Variants in ALDH16A1 observed in about 807,000 individuals in gnomAD.
ALDH16A1 encodes the protein aldehyde dehydrogenase 16 family member A1, also known as aldehyde dehydrogenase family 16 member A1.
Under a neutral mutation model 96.1 loss-of-function variants are expected in ALDH16A1, and 88 were observed. The ratio of observed to expected loss-of-function variants is 0.92; its 90% CI spans 0.77 to 1.09. ALDH16A1 has a LOEUF of 1.09. Ranked by LOEUF, ALDH16A1 falls within the 50% of genes least tolerant of loss-of-function variation. The pLI, the probability that ALDH16A1 is intolerant of heterozygous loss-of-function variation, is 0.00. For missense variants in ALDH16A1, 1,250 were observed against 1,112.6 expected (o/e 1.12, Z -1.76); for synonymous variants, 522 against 496.4 (o/e 1.05, Z -0.69).
chr19:49,466,819 C>G (rs1006107059), intron 14 of ALDH16A1, among the ~76,000 whole-genome samples: 5 of 151,962 alleles, frequency 3.3e-5, no homozygotes, highest in Non-Finnish European at 7.4e-5. Context: ...GAGATCGTGC[C>G]ACTGCACTCC....
chr19:49,467,683 T>C (rs528061837), intron 14 of ALDH16A1, among the ~76,000 whole-genome samples: 25 of 151,716 alleles, frequency 1.6e-4, no homozygotes, highest in East Asian at 1.6e-3. Flanking sequence ...TGTGAGCCAC[T>C]ACACCCGGCC....
intron 7 of ALDH16A1, among the ~76,000 whole-genome samples, 166 bp downstream of exon 7, chr19:49,462,202 G>C (rs2079155839): frequency 6.9e-6 from 1 of 145,380 alleles, no homozygotes; most frequent in African/African-American, 2.6e-5. Flanking sequence ...GCGCGATTTT[G>C]GCTCACCGCA....
In ALDH16A1 at chr19:49,464,651, G is replaced by C. The variant is rs200088188; in HGVS notation, c.1457G>C (p.Arg486Pro). The C allele has an allele frequency of 6.8e-6, 11 of 1,614,050 alleles. No individual in the cohort carries two copies. Among genetic ancestry groups the C allele is most frequent in the East Asian group, 6.7e-5 (3 of 44,870 alleles). ...TCACAGGGGCTGTATGAGTATCTGC[G>C]GCCCTCAGGGACCCCTGCCCGGCTG... ...GGPDGLYEYL[R>P]PSGTPARLSC... Residue 486 changes from arginine (R) to proline (P), a missense_variant, in exon 12 of 17, where the codon CGG becomes CCG. Transcript: ENST00000293350.
In ALDH16A1 at chr19:49,462,693, G is replaced by A. The variant is rs371134024; in HGVS notation, c.1036G>A (p.Gly346Arg). Residue 346 changes from glycine to arginine, a missense_variant, in exon 8 of 17, where the codon GGG (glycine) becomes AGG (arginine). Physicochemically the swap from Gly to Arg is moderately radical, Grantham distance 125. Coordinates refer to ENST00000293350, the MANE Select transcript of ALDH16A1 (RefSeq NM_153329.4). ...LDGAVDMGAR[G>R]AAACDLVQRF... is the part of the protein sequence containing the mutation. ...TGGGGCCGTGGACATGGGGGCCCGG[G>A]GGGCTGCCGCATGTGACCTGGTCCA... 4 of 1,608,600 alleles carry A rather than the reference G, an allele frequency of 2.5e-6. No individual in the cohort carries two copies. Among genetic ancestry groups the A allele is most frequent in the South Asian group, 1.1e-5 (1 of 90,756 alleles).
chr19:49,459,217 G>A lies in ALDH16A1; in HGVS notation c.320+131G>A. The A allele has an allele frequency of 7.1e-7, 1 of 1,405,284 alleles. No homozygotes were observed. Among genetic ancestry groups the A allele is most frequent in the Non-Finnish European group, 9.5e-7 (1 of 1,053,100 alleles). 87.1% of individuals were successfully genotyped at this position (1,405,284 alleles called of 1,614,324 possible). On this transcript the variant is annotated intron_variant, in intron 3 of 16. Transcript: ENST00000293350. This position sits in a 1 kb window ranked among gnomAD's most constrained non-coding sequence, Gnocchi z 4.1. The stretch of plus-strand genomic sequence containing the variant: ...GCTAAGGCTCAGATTCCCAGTATGT[G>A]CTGGAGGCAGTCGTGGCTGAAACAT...
In ALDH16A1 at chr19:49,464,158, T is replaced by C; in HGVS notation, c.1226T>C (p.Phe409Ser). 1 of 1,608,814 alleles carries C rather than the reference T, an allele frequency of 6.2e-7. No individual in the cohort carries two copies. Among genetic ancestry groups the C allele is most frequent in the Non-Finnish European group, 8.5e-7 (1 of 1,179,532 alleles). The change falls in exon 10 of 17, where the codon TTC becomes TCC. Residue 409 changes from phenylalanine to serine, a missense_variant. By Grantham distance (155) the Phe-to-Ser change is radical. Transcript: ENST00000293350. ...VPWPVVVASP[F>S]RTAKEALLVA... ...TGGCCTGTGGTCGTGGCCTCCCCCT[T>C]CCGCACAGCCAAGGAGGCACTGTTG...
intron 6 of ALDH16A1, 33 bp downstream of exon 6, chr19:49,461,833 G>A (rs372159373): frequency 2.3e-4 from 367 of 1,603,196 alleles, no homozygotes; most frequent in Non-Finnish European, 2.7e-4. Flanking sequence ...GGCGGAACGC[G>A]GCTGGGGGCC....
intron 14 of ALDH16A1, among the ~76,000 whole-genome samples, chr19:49,466,973 A>G (rs986461433): frequency 6.6e-6 from 1 of 152,138 alleles, no homozygotes; most frequent in African/African-American, 2.4e-5. Context: ...GGAGTTTGAA[A>G]CCAGCCTGGG....
chr19:49,464,594 G>A lies in ALDH16A1; in HGVS notation c.1438-38G>A, dbSNP rs201777977. On this transcript the variant is annotated intron_variant, in intron 11 of 16. Transcript: ENST00000293350. ...CCTTGACACTCGCATCCGGCCTCGC[G>A]TGCCCCTTGCATCCTCTTGACACCG... 465 of 1,613,606 alleles carry A rather than the reference G, an allele frequency of 2.9e-4. 2 individuals carry two copies. Among genetic ancestry groups the A allele is most frequent in the African/African-American group, 1.7e-3 (129 of 74,956 alleles).
rs1309064355 is a variant in ALDH16A1, at chr19:49,461,701, C to A, written c.660C>A (p.Phe220Leu). The A allele has an allele frequency of 1.9e-6, 3 of 1,609,108 alleles. No homozygotes were observed. The African/African-American group carries it at 4.0e-5, about 22-fold the overall frequency. ...AGCTGGCGGGGGAGCTGGGCCCCTT[C>A]CCGGGAATCCTGAATGTCCTCAGTG... ...LAQLAGELGP[F>L]PGILNVLSGP... Residue 220 changes from phenylalanine to leucine, a missense_variant, in exon 6 of 17, where the codon TTC becomes TTA. Coordinates refer to ENST00000293350, the MANE Select transcript of ALDH16A1 (RefSeq NM_153329.4).
In ALDH16A1 at chr19:49,458,536, G is replaced by T; in HGVS notation, c.141G>T (p.Lys47Asn). Residue 47 changes from lysine (K) to asparagine (N), a missense_variant, in exon 2 of 17, where the codon AAG becomes AAT. Transcript: ENST00000293350. ...DRCLGHYVNG[K>N]WLKPEHRNSV... The stretch of plus-strand genomic sequence containing the variant: ...GCTTGGGCCACTATGTGAATGGGAA[G>T]TGGTTAAAGCCTGAACACAGAAATT... The T allele has an allele frequency of 6.4e-7, 1 of 1,567,934 alleles. No homozygotes were observed. The highest frequency in any genetic ancestry group is 2.3e-5 in the East Asian group (1 of 43,030).
Position 49,464,637 on chromosome 19 carries a change from G to C in ALDH16A1, c.1443G>C (p.Leu481=), listed in dbSNP as rs1196107913. 1.2e-6 allele frequency: 2 copies of C among 1,613,998 alleles called. No homozygotes were observed. Among genetic ancestry groups the C allele is most frequent in the Non-Finnish European group, 1.7e-6 (2 of 1,180,016 alleles). ...GCSWHGGPDG[L]YEYLRPSGTP... Reference sequence around the variant, plus strand: ...TGACACCGTCCCTCTCACAGGGGCTGTATGAGTATCTGCGGCCCTCAGGGA... The same window carrying C: ...TGACACCGTCCCTCTCACAGGGGCTCTATGAGTATCTGCGGCCCTCAGGGA... The change falls in exon 12 of 17, where the codon CTG becomes CTC. Residue 481 remains leucine, a synonymous_variant. Transcript: ENST00000293350.
rs1381596223 is a variant in ALDH16A1 at position 49,459,595 on chromosome 19, G to C, written c.321-75G>C. Reference sequence around the variant, plus strand: ...GGGGCTCATGGGGATTGTAGTCCAGGTATATAGGAGCAGCCCAGGACTCTG... The same window carrying C: ...GGGGCTCATGGGGATTGTAGTCCAGCTATATAGGAGCAGCCCAGGACTCTG... On this transcript the variant is annotated intron_variant, in intron 3 of 16. Coordinates refer to ENST00000293350, the MANE Select transcript of ALDH16A1 (RefSeq NM_153329.4). The surrounding 1 kb of genome is among the most constrained non-coding windows in gnomAD (Gnocchi z 4.1). The C allele has an allele frequency of 2.0e-6, 3 of 1,493,514 alleles. No homozygotes were observed. Among genetic ancestry groups the C allele is most frequent in the Non-Finnish European group, 2.7e-6 (3 of 1,120,208 alleles). The allele number at this position is 1,493,514 out of a possible 1,614,324, so 92.5% of individuals were successfully genotyped here. A position where few individuals can be genotyped will look rare whatever the true frequency, so the allele number is the denominator to read the frequency against.
intron 14 of ALDH16A1, among the ~76,000 whole-genome samples, chr19:49,467,143 G>C (rs2122420023): frequency 6.6e-6 from 1 of 152,318 alleles, no homozygotes; most frequent in South Asian, 2.1e-4. Context: ...TCAGCCTCCT[G>C]AGTATCTGGG....
chr19:49,468,380 G>A lies in ALDH16A1; in HGVS notation c.1939-1G>A. 1.3e-6 allele frequency: 2 copies of A among 1,598,432 alleles called. No homozygotes were observed. Among genetic ancestry groups the A allele is most frequent in the Non-Finnish European group, 1.7e-6 (2 of 1,179,412 alleles). On this transcript the variant is annotated splice_acceptor_variant, in intron 14 of 16. Coordinates refer to ENST00000293350, the MANE Select transcript of ALDH16A1 (RefSeq NM_153329.4). LOFTEE classifies it high-confidence loss of function. This position sits in a 1 kb window ranked among gnomAD's most constrained non-coding sequence, Gnocchi z 4.4. ...CACACGTGACCCACCTGTCCCTGCA[G>A]GTAGCCGGGCTGAGAGGCCCTGTGC...
At chr19:49,469,089 G>T (rs2079223950) in intron 16 of ALDH16A1, 103 bp downstream of exon 16, 8 of 1,474,506 alleles carry the variant, frequency 5.4e-6, no homozygotes, top group African/African-American at 1.4e-5. Context: ...CTGTTGGTAA[G>T]GGGAGAAACT....
At position 49,466,197 on chromosome 19, in the gene ALDH16A1, A is replaced by G. The variant is rs1400950817; in HGVS notation, c.1852A>G (p.Lys618Glu). Reference sequence around the variant, plus strand: ...GCTGGAGAGGCAGGGAGCGGAGCTCAAGGCTGCGGAGGCGGAGGTGGAGCT... The same window carrying G: ...GCTGGAGAGGCAGGGAGCGGAGCTCGAGGCTGCGGAGGCGGAGGTGGAGCT... ...SRLERQGAELKAAEAEVELSA... is the reference protein window; with the variant it reads ...SRLERQGAELEAAEAEVELSA... Residue 618 changes from lysine (K) to glutamate (E), a missense_variant, in exon 14 of 17, where the codon AAG (lysine) becomes GAG (glutamate). Lys to Glu is a moderately conservative substitution (Grantham distance 56). Transcript: ENST00000293350. The G allele has an allele frequency of 1.3e-6, 2 of 1,543,858 alleles. No homozygotes were observed. The highest frequency in any genetic ancestry group is 4.7e-5 in the East Asian group (2 of 42,482).
At chr19:49,464,334 C>T (rs545337650) in intron 10 of ALDH16A1, 71 bp downstream of exon 10, 33 of 1,571,972 alleles carry the variant, frequency 2.1e-5, no homozygotes, top group South Asian at 3.4e-5. Context: ...CTCCCTGGGT[C>T]GCTCCCCGCG....
In ALDH16A1 at chr19:49,462,729, C is replaced by G. The variant is rs1015091964; in HGVS notation, c.1072C>G (p.Arg358Gly). ...ATGTGACCTGGTCCAGCGCTTTGTGCGTGAGGCCCAGAGCCAGGGTGCACA... is the reference window on the plus strand; with the variant it reads ...ATGTGACCTGGTCCAGCGCTTTGTGGGTGAGGCCCAGAGCCAGGGTGCACA... ...AACDLVQRFV[R>G]EAQSQGAQVF... Residue 358 changes from arginine (R) to glycine (G), a missense_variant, in exon 8 of 17, where the codon CGT becomes GGT. Transcript: ENST00000293350. 2 of 1,598,262 alleles carry G rather than the reference C, an allele frequency of 1.3e-6. No individual in the cohort carries two copies. The highest frequency in any genetic ancestry group is 1.8e-5 in the Admixed American group (1 of 57,038).
Sources: allele counts gnomAD v4.1 joint callset (sites outside exome capture counted in the v4.1 genomes callset), GRCh38; gene constraint gnomAD v4.1.1; non-coding constraint Gnocchi (gnomAD v3.1); transcripts MANE v1.5; gene names NCBI Gene and HGNC (gene_info 2026-07-23, HGNC 2026-07-21).